The following PDPR variants were observed in gnomAD, a reference collection of about 807,000 sequenced individuals.
The protein encoded by PDPR is pyruvate dehydrogenase phosphatase regulatory subunit, mitochondrial.
Under a neutral mutation model 102.2 loss-of-function variants are expected in PDPR, and 50 were observed. That is an observed-to-expected ratio of 0.49 (90% CI 0.39 to 0.62). The LOEUF (loss-of-function observed/expected upper bound fraction) is 0.62, where lower values mean the gene tolerates loss of function less well. PDPR is among the 20% of genes least tolerant of loss of function. The probability of loss-of-function intolerance (pLI) is 0.00; values close to 1 mark genes in which losing one functional copy is unlikely to be tolerated. For synonymous variants in PDPR, 259 were observed against 406.0 expected (o/e 0.64, Z 4.35); for missense variants, 625 against 1,098.2 (o/e 0.57, Z 6.09).
chr16:70,131,490 T>C (rs1964533245), intron 8 of PDPR, 71 bp downstream of exon 8: 1 of 1,404,202 alleles, frequency 7.1e-7, no homozygotes, highest in African/African-American at 1.4e-5. Flanking sequence ...AGGAAAACTT[T>C]CTGCTAAGGA....
rs774671288 is a variant in PDPR, at chr16:70,132,228, C to G, written c.925C>G (p.Pro309Ala). 1.2e-6 allele frequency: 2 copies of G among 1,614,004 alleles called. No individual in the cohort carries two copies. The highest frequency in any genetic ancestry group is 2.2e-5 in the South Asian group (2 of 91,078). Reference protein sequence around the residue: ...GILSGGFEKNPKPIFTEGKNQ... With the variant: ...GILSGGFEKNAKPIFTEGKNQ... ...CCTGTCTGGGGGCTTTGAGAAGAAC[C>G]CGAAACCAATTTTCACTGAGGGCAA... is the stretch of plus-strand genomic sequence containing the variant. The change falls in exon 9 of 19, where the codon CCG becomes GCG. Residue 309 changes from proline to alanine, a missense_variant. Physicochemically the swap from Pro to Ala is conservative, Grantham distance 27. Coordinates refer to ENST00000288050, the MANE Select transcript of PDPR (RefSeq NM_017990.5).
chr16:70,154,218 C>T (rs1334994893), intron 18 of PDPR, among the ~76,000 whole-genome samples: 2 of 152,028 alleles, frequency 1.3e-5, no homozygotes, highest in Non-Finnish European at 2.9e-5. Context: ...GTTCCAGCTA[C>T]TCGGGAGGCT....
intron 9 of PDPR, among the ~76,000 whole-genome samples, chr16:70,133,704 CACT>C (rs1284571358): frequency 6.6e-6 from 1 of 151,986 alleles, no homozygotes; most frequent in Admixed American, 6.6e-5. Context: ...AGGTGTGAGC[CACT>C]GTGCCCAGCT....
intron 9 of PDPR, among the ~76,000 whole-genome samples, chr16:70,135,554 T>C (rs1485911868): frequency 1.3e-5 from 2 of 152,286 alleles, no homozygotes; most frequent in Admixed American, 1.3e-4. Context: ...TCACCTTTTA[T>C]TAAAATCTCT....
chr16:70,137,735 C>T (rs1361707952), intron 10 of PDPR, among the ~76,000 whole-genome samples: 2 of 152,256 alleles, frequency 1.3e-5, no homozygotes, highest in Admixed American at 6.5e-5. Flanking sequence ...AAAACAGTTA[C>T]AGAAGAGGAG....
intron 6 of PDPR, among the ~76,000 whole-genome samples, chr16:70,130,174 T>G (rs1964393670): frequency 6.6e-6 from 1 of 152,254 alleles, no homozygotes; most frequent in South Asian, 2.1e-4. Flanking sequence ...ATGCCTGTAA[T>G]CCCAGCTACT....
At chr16:70,138,311 C>G (rs1225617108) in intron 10 of PDPR, among the ~76,000 whole-genome samples, 1 of 151,484 alleles carries the variant, frequency 6.6e-6, no homozygotes, top group African/African-American at 2.4e-5. Context: ...CTCTGCCTCC[C>G]AGGTTCAAGC....
intron 17 of PDPR, among the ~76,000 whole-genome samples, chr16:70,152,196 T>C (rs1300743244): frequency 6.6e-6 from 1 of 152,274 alleles, no homozygotes; most frequent in Non-Finnish European, 1.5e-5. Flanking sequence ...GAGTGTTGCA[T>C]GCAATAGCTT....
rs71399995 is a variant in PDPR, at chr16:70,148,590, C to A, written c.2052+37C>A. On this transcript the variant is annotated intron_variant, in intron 17 of 18. Coordinates refer to ENST00000288050, the MANE Select transcript of PDPR (RefSeq NM_017990.5). Reference sequence around the variant, plus strand: ...CCCTTCCCTTCCCTTCCCTTCACTTCCCTTCCCTTCCCTTCCCTTCCCTTC... The same window carrying A: ...CCCTTCCCTTCCCTTCCCTTCACTTACCTTCCCTTCCCTTCCCTTCCCTTC... 4.3e-5 allele frequency: 9 copies of A among 211,360 alleles called. No individual in the cohort carries two copies. In the South Asian group the frequency reaches 4.5e-4, roughly 11 times the overall value. The allele number at this position is 211,360 out of a possible 1,614,324, so 13.1% of individuals were successfully genotyped here.
chr16:70,156,627 T>C lies in PDPR; in HGVS notation c.2388T>C (p.Val796=), dbSNP rs1174407492. The C allele has an allele frequency of 6.2e-7, 1 of 1,614,116 alleles. No homozygotes were observed. Among genetic ancestry groups the C allele is most frequent in the Non-Finnish European group, 8.5e-7 (1 of 1,179,912 alleles). Residue 796 remains valine (V), a synonymous_variant, in exon 19 of 19, where the codon GTT becomes GTC. Coordinates refer to ENST00000288050, the MANE Select transcript of PDPR (RefSeq NM_017990.5). ...GEPIYRNGQY[V]GKTTSSAYSY... is the part of the protein sequence containing the mutation. Reference sequence around the variant, plus strand: ...CCATTTACCGGAATGGGCAGTATGTTGGCAAGACCACCAGCAGTGCCTACA... The same window carrying C: ...CCATTTACCGGAATGGGCAGTATGTCGGCAAGACCACCAGCAGTGCCTACA...
At chr16:70,125,538 GGGAAACT>G (rs1373320955) in intron 3 of PDPR, among the ~76,000 whole-genome samples, 1 of 136,566 alleles carries the variant, frequency 7.3e-6, no homozygotes, top group Admixed American at 7.7e-5. Context: ...TGGGTGACAA[GGGAAACT>G]GCGTCTCAAA....
downstream of PDPR, among the ~76,000 whole-genome samples, chr16:70,162,946 C>T (rs1462427152): frequency 6.6e-6 from 1 of 152,276 alleles, no homozygotes; most frequent in African/African-American, 2.4e-5. Context: ...CTGGACTTGA[C>T]CTGTTCACTA....
intron 15 of PDPR, 26 bp from the exon 16 acceptor site, chr16:70,146,108 G>A (rs569145681): frequency 7.6e-5 from 122 of 1,608,454 alleles, no homozygotes; most frequent in Non-Finnish European, 1.0e-4. Flanking sequence ...AGGAGAGCTG[G>A]ACATCTCTTG....
chr16:70,123,742 T>G (rs143517228), intron 3 of PDPR, among the ~76,000 whole-genome samples: 1,537 of 151,696 alleles, frequency 0.01, 1 homozygote, highest in Non-Finnish European at 0.018. Context: ...GCAGACTATT[T>G]AAACCTCACA....
At position 70,114,497 on chromosome 16, in the gene PDPR, C is replaced by T. The variant is rs535721820; in HGVS notation, c.-143+57C>T. 7 of 152,322 alleles carry T rather than the reference C, an allele frequency of 4.6e-5. No individual in the cohort carries two copies. In the East Asian group the frequency reaches 1.4e-3, roughly 29 times the overall value. The allele number at this position is 152,322 out of a possible 1,614,324, so 9.4% of individuals were successfully genotyped here. On this transcript the variant is annotated intron_variant, in intron 1 of 18. Transcript: ENST00000288050. ...TCCCCGTCCGCGCGGGCCTAAGCGC[C>T]CCGGGACCCCTGGGTTCCCCTCTTT... is the stretch of plus-strand genomic sequence containing the variant.
At chr16:70,134,104 G>T (rs1195844467) in intron 9 of PDPR, among the ~76,000 whole-genome samples, 1 of 152,226 alleles carries the variant, frequency 6.6e-6, no homozygotes, top group Admixed American at 6.5e-5. Context: ...CTTTCAGTAG[G>T]ACTTCATATA....
chr16:70,141,179 G>A (rs11646459), intron 11 of PDPR, among the ~76,000 whole-genome samples: 1 of 151,758 alleles, frequency 6.6e-6, no homozygotes, highest in Non-Finnish European at 1.5e-5. Context: ...TCAGCCTCCC[G>A]AGTAGCTGGG....
At chr16:70,129,925 G>A (rs1271082031) in intron 6 of PDPR, among the ~76,000 whole-genome samples, 1 of 152,286 alleles carries the variant, frequency 6.6e-6, no homozygotes, top group Non-Finnish European at 1.5e-5. Flanking sequence ...AAACTGAGTT[G>A]CTATTTTCAA....
At chr16:70,152,074 C>T (rs1966779721) in intron 17 of PDPR, among the ~76,000 whole-genome samples, 1 of 152,274 alleles carries the variant, frequency 6.6e-6, no homozygotes, top group African/African-American at 2.4e-5. Flanking sequence ...GGGAGAGTAC[C>T]ACATTCCCTG....
Sources: allele counts gnomAD v4.1 joint callset (sites outside exome capture counted in the v4.1 genomes callset), GRCh38; gene constraint gnomAD v4.1.1; transcripts MANE v1.5; gene names NCBI Gene and HGNC (gene_info 2026-07-23, HGNC 2026-07-21).